Variants in CNOT9 observed in about 807,000 individuals in gnomAD.
CNOT9 encodes RCD1 required for cell differentiation1 homolog.
In CNOT9, 8 loss-of-function variants were observed where a neutral mutation model predicts 37.4. That is an observed-to-expected ratio of 0.21 (90% confidence interval 0.13 to 0.39). CNOT9 has a LOEUF of 0.39. CNOT9 is among the 10% of genes least tolerant of loss of function. The pLI is 1.00. For synonymous variants in CNOT9, 120 were observed against 137.6 expected, an observed-to-expected ratio of 0.87 and a Z score of 0.90; for missense variants, 154 against 365.3, an observed-to-expected ratio of 0.42 and a Z score of 4.71.
At position 218,588,588 on chromosome 2, in the gene CNOT9, C is replaced by CTTTTTTTTTTT. The variant is rs1172484260; in HGVS notation, c.540+909_540+919dup. 7.1e-3 allele frequency among the ~76,000 whole-genome samples: 239 copies of CTTTTTTTTTTT among 33,456 alleles called. 77 individuals carry two copies. The highest frequency in any genetic ancestry group is 8.5e-3 in the Non-Finnish European group (177 of 20,802). 21.9% of individuals were successfully genotyped at this position (33,456 alleles called of 152,430 possible). On this transcript the variant is annotated intron_variant, in intron 5 of 7. Transcript: ENST00000273064. ...ACAGTCATGAGCCACTCCACCCGGC[C>CTTTTTTTTTTT]TTTTTTTTTTTTTTTTTTTTTTTTT...
intron 2 of CNOT9, 116 bp from the exon 3 acceptor site, chr2:218,582,855 A>G: frequency 1.6e-6 from 1 of 636,392 alleles, no homozygotes; most frequent in Non-Finnish European, 2.8e-6. Context: ...TGAGTTCTTA[A>G]AAGATGCACA....
At chr2:218,569,705 T>G (rs1340607160) in intron 1 of CNOT9, among the ~76,000 whole-genome samples, 2 of 152,204 alleles carry the variant, frequency 1.3e-5, no homozygotes, top group African/African-American at 4.8e-5. Flanking sequence ...CACCTAACCC[T>G]CTGCAACGCG....
chr2:218,579,329 CATTTT>C (rs1694284475), intron 1 of CNOT9, among the ~76,000 whole-genome samples: 1 of 152,068 alleles, frequency 6.6e-6, no homozygotes, highest in Non-Finnish European at 1.5e-5. Flanking sequence ...TTAATGGAAA[CATTTT>C]ATATGCTCTT....
intron 1 of CNOT9, among the ~76,000 whole-genome samples, chr2:218,572,233 A>G (rs187309484): frequency 1.3e-5 from 2 of 152,244 alleles, no homozygotes; most frequent in African/African-American, 4.8e-5. Flanking sequence ...AGGCGGGAGA[A>G]TCACTTGAAC....
intron 5 of CNOT9, among the ~76,000 whole-genome samples, chr2:218,589,525 A>C (rs185569825): frequency 1.3e-3 from 202 of 152,234 alleles, no homozygotes; most frequent in Non-Finnish European, 2.3e-3. Context: ...TTGTAAAGAC[A>C]AGGTCTCCCT....
At chr2:218,591,571 C>T (rs1439551776) in intron 5 of CNOT9, among the ~76,000 whole-genome samples, 2 of 151,984 alleles carry the variant, frequency 1.3e-5, no homozygotes, top group African/African-American at 2.4e-5. Flanking sequence ...GGTGAAACCC[C>T]GTCTCTACTA....
At position 218,593,832 on chromosome 2, in the gene CNOT9, A is replaced by T. The variant is rs1448934247; in HGVS notation, c.732-276A>T. 4.1e-6 allele frequency: 5 copies of T among 1,228,738 alleles called. No individual in the cohort carries two copies. The East Asian group carries it at 1.4e-4, about 34-fold the overall frequency. The allele number at this position is 1,228,738 out of a possible 1,614,324, so 76.1% of individuals were successfully genotyped here. ...TTTGACAGTATTTAATAAATCAGAA[A>T]GCTGTTTGAATGGAAGTAAACTATT... On this transcript the variant is annotated intron_variant, in intron 7 of 7. Transcript: ENST00000273064.
intron 2 of CNOT9, among the ~76,000 whole-genome samples, chr2:218,581,917 A>G (rs1447747108): frequency 6.6e-6 from 1 of 151,934 alleles, no homozygotes; most frequent in South Asian, 2.1e-4. Context: ...CACCATTTCT[A>G]CAAAAAATAC....
intron 5 of CNOT9, among the ~76,000 whole-genome samples, chr2:218,591,052 G>A (rs78816881): frequency 0.027 from 4,100 of 152,052 alleles, 180 homozygotes; most frequent in African/African-American, 0.094. Context: ...GGATAAACAG[G>A]GATAATCCCC....
intron 4 of CNOT9, among the ~76,000 whole-genome samples, chr2:218,586,005 A>T (rs751844727): frequency 1.4e-4 from 22 of 152,320 alleles, no homozygotes; most frequent in Non-Finnish European, 1.2e-4. Flanking sequence ...ATAAATCTTT[A>T]AAAATATATG....
chr2:218,596,097 C>T lies in CNOT9; in HGVS notation c.*1821C>T, dbSNP rs1421608280. On this transcript the variant is annotated 3_prime_UTR_variant, in exon 8 of 8. Coordinates refer to ENST00000273064, the MANE Select transcript of CNOT9 (RefSeq NM_005444.3). The stretch of plus-strand genomic sequence containing the variant: ...TAAGGTAACCCAGATTTTTGACAAC[C>T]GCCTTCCTGCTGAGCCAAAGTTTTC... 1 of 152,196 alleles carries T rather than the reference C, an allele frequency of 6.6e-6. No homozygotes were observed. The highest frequency in any genetic ancestry group is 1.5e-5 in the Non-Finnish European group (1 of 68,070). 9.4% of individuals were successfully genotyped at this position (152,196 alleles called of 1,614,324 possible). A position where few individuals can be genotyped will look rare whatever the true frequency, so the allele number is the denominator to read the frequency against.
At chr2:218,569,210 G>A (rs1447391234) in intron 1 of CNOT9, among the ~76,000 whole-genome samples, 2 of 152,182 alleles carry the variant, frequency 1.3e-5, no homozygotes, top group African/African-American at 2.4e-5. Flanking sequence ...CTTTGCGGGC[G>A]CCGGGGCCTG....
chr2:218,583,984 A>G (rs1694502363), intron 3 of CNOT9, among the ~76,000 whole-genome samples: 2 of 152,232 alleles, frequency 1.3e-5, no homozygotes, highest in African/African-American at 4.8e-5. Context: ...GGTAAGCCTG[A>G]TAATGGCTGC....
At chr2:218,580,470 G>T (rs1694337913) in intron 1 of CNOT9, 91 bp from the exon 2 acceptor site, 1 of 1,122,604 alleles carries the variant, frequency 8.9e-7, no homozygotes, top group Non-Finnish European at 1.2e-6. Context: ...TGGTATTCAT[G>T]AAAAATATAT....
In CNOT9 at chr2:218,595,404, C is replaced by CTTTTTTTTTTTTTTTT. The variant is rs57839540; in HGVS notation, c.*1141_*1156dup. The CTTTTTTTTTTTTTTTT allele has an allele frequency of 7.9e-5, 4 of 50,928 alleles. No individual in the cohort carries two copies. The highest frequency in any genetic ancestry group is 2.5e-4 in the African/African-American group (4 of 16,114). 3.2% of individuals were successfully genotyped at this position (50,928 alleles called of 1,614,324 possible). On this transcript the variant is annotated 3_prime_UTR_variant, in exon 8 of 8. Coordinates refer to ENST00000273064, the MANE Select transcript of CNOT9 (RefSeq NM_005444.3). ...GAGGGCTGGGTTCTGCTCACTCAGT[C>CTTTTTTTTTTTTTTTT]TTTTTTTTTTTTTTTTTTTTTTTTT...
In CNOT9 at chr2:218,592,405, G is replaced by A; in HGVS notation, c.639+3G>A. 1 of 1,610,296 alleles carries A rather than the reference G, an allele frequency of 6.2e-7. No homozygotes were observed. Among genetic ancestry groups the A allele is most frequent in the Non-Finnish European group, 8.5e-7 (1 of 1,176,594 alleles). ...TCTCCCATGTTGCCATGATCTTGGT[G>A]AGTTCTTTCATCTATCCCCTTTACA... On this transcript the variant is annotated splice_donor_region_variant and intron_variant, in intron 6 of 7. Transcript: ENST00000273064. This position sits in a 1 kb window ranked among gnomAD's most constrained non-coding sequence, Gnocchi z 4.1.
At chr2:218,578,552 T>C (rs113345750) in intron 1 of CNOT9, among the ~76,000 whole-genome samples, 81 of 152,306 alleles carry the variant, frequency 5.3e-4, no homozygotes, top group African/African-American at 1.3e-3. Flanking sequence ...TTCAAAAAAG[T>C]ACGGGAATAT....
intron 1 of CNOT9, among the ~76,000 whole-genome samples, chr2:218,577,320 TGAA>T (rs1363722997): frequency 2.0e-5 from 3 of 152,164 alleles, no homozygotes; most frequent in Non-Finnish European, 4.4e-5. Context: ...ACAGGGATGA[TGAA>T]AAGGAGGATC....
chr2:218,593,934 G>A (rs1559252207), intron 7 of CNOT9, 174 bp from the exon 8 acceptor site: 7 of 934,302 alleles, frequency 7.5e-6, no homozygotes, highest in East Asian at 5.5e-5. Context: ...TACAGATTTT[G>A]GAGATCTCTA....
Sources: allele counts gnomAD v4.1 joint callset (sites outside exome capture counted in the v4.1 genomes callset), GRCh38; gene constraint gnomAD v4.1.1; non-coding constraint Gnocchi (gnomAD v3.1); transcripts MANE v1.5; gene names NCBI Gene and HGNC (gene_info 2026-07-23, HGNC 2026-07-21).